ABLIM1: variants seen among roughly 807,000 people sequenced by gnomAD.
ABLIM1 encodes actin binding LIM protein 1.
In ABLIM1, 40 loss-of-function variants were observed where a neutral mutation model predicts 107.0. The observed-to-expected ratio is 0.37, with a 90% CI of 0.29 to 0.49. The LOEUF is 0.49. ABLIM1 is among the 20% of genes least tolerant of loss of function. The probability of loss-of-function intolerance (pLI) is 0.97; values close to 1 mark genes in which losing one functional copy is unlikely to be tolerated. For synonymous variants in ABLIM1, 357 were observed against 357.3 expected (o/e 1.00, Z 0.01); for missense variants, 857 against 1,008.5 (o/e 0.85, Z 2.04).
At chr10:114,464,246 C>T (rs374078042) in intron 12 of ABLIM1, among the ~76,000 whole-genome samples, 6 of 146,092 alleles carry the variant, frequency 4.1e-5, no homozygotes, top group East Asian at 2.1e-4. Flanking sequence ...AGTGCAATGG[C>T]GCCATCTTGG....
upstream of ABLIM1, among the ~76,000 whole-genome samples, chr10:114,659,634 G>A (rs972905278): frequency 2.0e-5 from 3 of 152,172 alleles, no homozygotes; most frequent in Non-Finnish European, 2.9e-5. Context: ...TAGGATACAT[G>A]TGCACAATGT....
At chr10:114,632,562 A>G (rs2078258282) in intron 1 of ABLIM1, 1 of 985,270 alleles carries the variant, frequency 1.0e-6, no homozygotes, top group Admixed American at 6.1e-5. Context: ...GAATAATGAC[A>G]TTTGGTTTGC....
the ABLIM1 span, among the ~76,000 whole-genome samples, chr10:114,774,263 C>T: frequency 6.6e-6 from 1 of 152,066 alleles, no homozygotes; most frequent in Non-Finnish European, 1.5e-5. Context: ...ACAGGCAGCC[C>T]AGGACAGTGG....
the ABLIM1 span, among the ~76,000 whole-genome samples, chr10:114,773,435 G>A: frequency 0.63 from 95,190 of 152,048 alleles, 29,799 homozygotes; most frequent in Non-Finnish European, 0.64. Context: ...AAAATTTCAC[G>A]AATAGGCCAG....
At chr10:114,632,279 C>T (rs918741751) in intron 1 of ABLIM1, 1 of 985,306 alleles carries the variant, frequency 1.0e-6, no homozygotes, top group Non-Finnish European at 1.2e-6. Context: ...TTCCTCGCAC[C>T]GAGGACGGGC....
chr10:114,729,701 C>T (rs1438301812), intron 1 of ABLIM1, among the ~76,000 whole-genome samples: 1 of 152,106 alleles, frequency 6.6e-6, no homozygotes, highest in African/African-American at 2.4e-5. Context: ...AGGCAATATT[C>T]TGATGGTACT....
chr10:114,504,126 C>T (rs182392648), intron 6 of ABLIM1, among the ~76,000 whole-genome samples: 2 of 152,286 alleles, frequency 1.3e-5, no homozygotes, highest in East Asian at 1.9e-4. Context: ...AGGACTTTGG[C>T]GGTGGTTACC....
chr10:114,749,095 C>G (rs2082452077), intron 1 of ABLIM1, among the ~76,000 whole-genome samples: 1 of 152,144 alleles, frequency 6.6e-6, no homozygotes, highest in South Asian at 2.1e-4. Context: ...TATACCATTC[C>G]AAAATTCATG....
At chr10:114,754,606 G>T (rs923606569) in intron 1 of ABLIM1, among the ~76,000 whole-genome samples, 3 of 152,196 alleles carry the variant, frequency 2.0e-5, no homozygotes, top group African/African-American at 7.2e-5. Context: ...CAGGGGGAAA[G>T]GTTGCCTCCA....
chr10:114,460,906 CTG>C (rs2063750373), intron 12 of ABLIM1, among the ~76,000 whole-genome samples: 3 of 152,196 alleles, frequency 2.0e-5, no homozygotes, highest in African/African-American at 4.8e-5. Flanking sequence ...TTTGGACAAA[CTG>C]TGTAACTTTA....
intron 1 of ABLIM1, among the ~76,000 whole-genome samples, chr10:114,746,800 A>G (rs1455766849): frequency 6.6e-6 from 1 of 152,166 alleles, no homozygotes; most frequent in African/African-American, 2.4e-5. Context: ...CATCTCCCTA[A>G]TGAGTAGTGA....
Position 114,601,286 on chromosome 10 carries a change from C to T in ABLIM1, c.379+541G>A, listed in dbSNP as rs529234058. ...CTTTCTTTTTTTTTTTTTTTTAAGA[C>T]GGAGTCTCACTCTTGTTGCTCAGGC... On this transcript the variant is annotated intron_variant, in intron 2 of 22. Coordinates refer to ENST00000533213, the MANE Select transcript of ABLIM1 (RefSeq NM_002313.7). 4.4e-3 allele frequency among the ~76,000 whole-genome samples: 642 copies of T among 146,412 alleles called. 5 individuals are homozygous for T. Among genetic ancestry groups the T allele is most frequent in the African/African-American group, 0.015 (591 of 39,420 alleles).
chr10:114,787,563 C>G, the ABLIM1 span, among the ~76,000 whole-genome samples: 11 of 149,526 alleles, frequency 7.4e-5, no homozygotes, highest in Middle Eastern at 3.6e-3. Context: ...GCCAGCCACC[C>G]CGTCCGGGAG....
At chr10:114,557,546 T>C (rs1390247429) in intron 4 of ABLIM1, among the ~76,000 whole-genome samples, 2 of 152,156 alleles carry the variant, frequency 1.3e-5, no homozygotes, top group Non-Finnish European at 2.9e-5. Flanking sequence ...ACTTTGGTCA[T>C]AGTTTTCATA....
rs112025347 is a variant in ABLIM1 at position 114,441,653 on chromosome 10, G to C, written c.1998+69C>G. Reference sequence around the variant, plus strand: ...CAAGAGTCAGACGTATTCAGGCAATGTGTCAATACTTCAACCAGGGCCGAG... The same window carrying C: ...CAAGAGTCAGACGTATTCAGGCAATCTGTCAATACTTCAACCAGGGCCGAG... On this transcript the variant is annotated intron_variant, in intron 18 of 22. Transcript: ENST00000533213. 4 of 1,413,662 alleles carry C rather than the reference G, an allele frequency of 2.8e-6. No homozygotes were observed. The African/African-American group carries it at 4.2e-5, about 15-fold the overall frequency. 87.6% of individuals were successfully genotyped at this position (1,413,662 alleles called of 1,614,324 possible).
At chr10:114,526,513 G>C (rs1006718663) in intron 6 of ABLIM1, 6 of 412,602 alleles carry the variant, frequency 1.5e-5, no homozygotes, top group African/African-American at 1.3e-4. Context: ...TGTATGTCAG[G>C]GCAATAAAAG....
At chr10:114,723,136 T>G (rs2081886653) in intron 1 of ABLIM1, among the ~76,000 whole-genome samples, 1 of 152,226 alleles carries the variant, frequency 6.6e-6, no homozygotes, top group Non-Finnish European at 1.5e-5. Flanking sequence ...AATGTGGATT[T>G]GCTTATTCAA....
chr10:114,491,896 G>A lies in ABLIM1; in HGVS notation c.895-18C>T, dbSNP rs774025154. On this transcript the variant is annotated intron_variant, in intron 6 of 22. Coordinates refer to ENST00000533213, the MANE Select transcript of ABLIM1 (RefSeq NM_002313.7). ...TCACCTGCCTGCAAGAGAAAAGGTA[G>A]GGAACGTTGAGTCTGCTCCTTGTCA... 1.9e-6 allele frequency: 3 copies of A among 1,594,170 alleles called. No individual in the cohort carries two copies. The highest frequency in any genetic ancestry group is 1.7e-4 in the Middle Eastern group (1 of 6,024).
chr10:114,642,882 C>G (rs2078814069), intron 1 of ABLIM1, among the ~76,000 whole-genome samples: 1 of 152,162 alleles, frequency 6.6e-6, no homozygotes, highest in Admixed American at 6.5e-5. Context: ...GATGATGAAG[C>G]AATACCTGGA....
Sources: allele counts gnomAD v4.1 joint callset (sites outside exome capture counted in the v4.1 genomes callset), GRCh38; gene constraint gnomAD v4.1.1; transcripts MANE v1.5; gene names NCBI Gene and HGNC (gene_info 2026-07-23, HGNC 2026-07-21).